BCR: variants seen among roughly 807,000 people sequenced by gnomAD.
BCR encodes the protein BCR activator of RhoGEF and GTPase, also known as breakpoint cluster region protein.
BCR carries 58 observed loss-of-function variants against 138.6 expected under a neutral mutation model. The observed-to-expected ratio is 0.42, with a 90% CI of 0.34 to 0.52. The LOEUF is 0.52. Among genes scored for constraint, BCR ranks in the 20% least tolerant of loss-of-function variants. The pLI is 0.06. For missense variants in BCR, 1,599 were observed against 1,727.2 expected (o/e 0.93, Z 1.32); for synonymous variants, 786 against 730.1 (o/e 1.08, Z -1.23).
chr22:23,255,865 C>G (rs1482423712), intron 2 of BCR, among the ~76,000 whole-genome samples: 1 of 152,218 alleles, frequency 6.6e-6, no homozygotes, highest in Non-Finnish European at 1.5e-5. Flanking sequence ...CTCTGCCTGT[C>G]AGGTCCAGAG....
chr22:23,267,221 AAGGAGGG>A, intron 4 of BCR, among the ~76,000 whole-genome samples: 1 of 151,918 alleles, frequency 6.6e-6, no homozygotes, highest in East Asian at 1.9e-4. Flanking sequence ...GTGACTTGCA[AAGGAGGG>A]AGGAGGGAAA....
chr22:23,223,001 C>T (rs772423134), intron 1 of BCR, among the ~76,000 whole-genome samples: 1 of 152,168 alleles, frequency 6.6e-6, no homozygotes, highest in Non-Finnish European at 1.5e-5. Flanking sequence ...TGGCATCTTC[C>T]TGCTGTTTTT....
chr22:23,313,896 C>T lies in BCR; in HGVS notation c.3458-72C>T, dbSNP rs535029765. On this transcript the variant is annotated intron_variant, in intron 20 of 22. Transcript: ENST00000305877. ...TGTGCAGGGACACAAGCCCCAGGTG[C>T]TCCATGTGAACACCTCGGGAGAGGT... 11 of 1,196,380 alleles carry T rather than the reference C, an allele frequency of 9.2e-6. No individual in the cohort carries two copies. The African/African-American group carries it at 1.2e-4, about 13-fold the overall frequency. 74.1% of individuals were successfully genotyped at this position (1,196,380 alleles called of 1,614,324 possible).
In BCR at chr22:23,272,860, G is replaced by A. The variant is rs566571986; in HGVS notation, c.1922-221G>A. 5.5e-4 allele frequency among the ~76,000 whole-genome samples: 83 copies of A among 152,256 alleles called. 1 individual carries two copies. The highest frequency in any genetic ancestry group is 9.0e-4 in the Non-Finnish European group (61 of 67,996). ...GCCACCGAGCCAGCCATGCAGGCTC[G>A]GGTCTGACAGCCGCTCTGGACTCTG... On this transcript the variant is annotated intron_variant, in intron 6 of 22. Transcript: ENST00000305877.
At chr22:23,280,648 G>A (rs898297657) in intron 8 of BCR, among the ~76,000 whole-genome samples, 6 of 152,236 alleles carry the variant, frequency 3.9e-5, no homozygotes, top group East Asian at 1.9e-4. Context: ...CAGCATCATC[G>A]TCACAGAGAA....
chr22:23,261,800 C>T (rs2073360561), intron 4 of BCR: 2 of 233,254 alleles, frequency 8.6e-6, no homozygotes, highest in Non-Finnish European at 8.4e-6. Flanking sequence ...GGACTTACTA[C>T]GTTGTCCAGG....
At chr22:23,230,449 G>A (rs1046280460) in intron 1 of BCR, among the ~76,000 whole-genome samples, 4 of 152,164 alleles carry the variant, frequency 2.6e-5, no homozygotes, top group Non-Finnish European at 4.4e-5. Context: ...ACTTTCCTGC[G>A]GCCCCTCCCA....
chr22:23,306,857 G>T (rs989603397), intron 16 of BCR: 1 of 152,644 alleles, frequency 6.6e-6, no homozygotes, highest in Non-Finnish European at 1.5e-5. Context: ...CGGGCGGGCC[G>T]GAGCCGGGCG....
intron 1 of BCR, among the ~76,000 whole-genome samples, chr22:23,185,472 T>G (rs2072328454): frequency 6.6e-6 from 1 of 152,064 alleles, no homozygotes; most frequent in Non-Finnish European, 1.5e-5. Context: ...GAGACCATCC[T>G]GGCTAACACG....
intron 1 of BCR, among the ~76,000 whole-genome samples, chr22:23,225,653 G>A (rs1050649757): frequency 2.0e-5 from 3 of 152,200 alleles, no homozygotes; most frequent in Admixed American, 6.5e-5. Flanking sequence ...AGGTTTATTC[G>A]CAATGCACTT....
intron 1 of BCR, among the ~76,000 whole-genome samples, chr22:23,240,388 A>G (rs2073076241): frequency 6.7e-6 from 1 of 149,418 alleles, no homozygotes; most frequent in Non-Finnish European, 1.5e-5. Flanking sequence ...GCGGTGGCTC[A>G]CGCCTGTAAT....
At chr22:23,261,187 G>A (rs955382655) in intron 3 of BCR, 133 bp downstream of exon 3, 26 of 1,205,738 alleles carry the variant, frequency 2.2e-5, no homozygotes, top group African/African-American at 3.1e-5. Flanking sequence ...GTGGATACCA[G>A]TGGAAGACTG....
chr22:23,280,460 A>G lies in BCR; in HGVS notation c.2116-3517A>G, dbSNP rs142703870. On this transcript the variant is annotated intron_variant, in intron 8 of 22. Coordinates refer to ENST00000305877, the MANE Select transcript of BCR (RefSeq NM_004327.4). ...TGGTGAGGAGTGAGTGGTGTGATTC[A>G]TGGGAAGCTGTGACTGTCACATTCC... 6.0e-3 allele frequency among the ~76,000 whole-genome samples: 921 copies of G among 152,328 alleles called. 6 individuals are homozygous for G. Among genetic ancestry groups the G allele is most frequent in the African/African-American group, 0.021 (868 of 41,570 alleles).
At chr22:23,215,586 A>C in intron 1 of BCR, among the ~76,000 whole-genome samples, 1 of 152,242 alleles carries the variant, frequency 6.6e-6, no homozygotes, top group African/African-American at 2.4e-5. Flanking sequence ...GATATGGTTC[A>C]GGGAAGATGG....
chr22:23,302,043 A>G (rs763872106), intron 16 of BCR, among the ~76,000 whole-genome samples: 20 of 152,058 alleles, frequency 1.3e-4, no homozygotes, highest in Admixed American at 5.9e-4. Context: ...GTGGCTCTGA[A>G]CAAAGCAGGT....
intron 1 of BCR, among the ~76,000 whole-genome samples, chr22:23,186,891 A>C (rs551093465): frequency 6.6e-6 from 1 of 152,278 alleles, no homozygotes; most frequent in South Asian, 2.1e-4. Flanking sequence ...GTGCACCACC[A>C]CACCCAGCTA....
At chr22:23,204,345 C>T (rs541933429) in intron 1 of BCR, among the ~76,000 whole-genome samples, 17 of 152,154 alleles carry the variant, frequency 1.1e-4, no homozygotes, top group African/African-American at 3.4e-4. Context: ...AATTCCTGTC[C>T]GTAAATGATG....
chr22:23,284,630 A>T (rs2073689846), intron 9 of BCR, among the ~76,000 whole-genome samples: 1 of 152,008 alleles, frequency 6.6e-6, no homozygotes, highest in African/African-American at 2.4e-5. Flanking sequence ...CTCAGAGGAG[A>T]GCCTTAGTTC....
chr22:23,272,118 G>A (rs2073516883), intron 6 of BCR, among the ~76,000 whole-genome samples: 2 of 152,198 alleles, frequency 1.3e-5, no homozygotes, highest in Non-Finnish European at 2.9e-5. Flanking sequence ...GCACCTGGCA[G>A]TAACAAGGAT....
Sources: gnomAD v4.1 joint callset for allele counts (sites outside exome capture counted in the v4.1 genomes callset) on GRCh38, gnomAD v4.1.1 for gene constraint, MANE v1.5 for transcripts, NCBI Gene and HGNC (gene_info 2026-07-23, HGNC 2026-07-21) for gene names.